NRXN1: variants seen among roughly 807,000 people sequenced by gnomAD.
NRXN1 encodes the protein neurexin 1, also known as neurexin-1.
Under a neutral mutation model 150.9 loss-of-function variants are expected in NRXN1, and 39 were observed. The observed-to-expected ratio is 0.26, with a 90% CI of 0.20 to 0.34. The LOEUF is 0.34. Among genes scored for constraint, NRXN1 ranks in the 10% least tolerant of loss-of-function variants. NRXN1 has a pLI of 1.00. For missense variants in NRXN1, 1,815 were observed against 1,949.9 expected (o/e 0.93, Z 1.30); for synonymous variants, 924 against 757.0 (o/e 1.22, Z -3.62).
chr2:50,024,252 G>A (rs991091174), intron 21 of NRXN1: 1 of 152,158 alleles, frequency 6.6e-6, no homozygotes, highest in African/African-American at 2.4e-5. Flanking sequence ...TAGGAACTGA[G>A]ACTGAACTTT....
chr2:50,481,541 A>C (rs2090456181), intron 15 of NRXN1, among the ~76,000 whole-genome samples: 1 of 152,278 alleles, frequency 6.6e-6, no homozygotes, highest in Non-Finnish European at 1.5e-5. Flanking sequence ...GTTACTTTTC[A>C]ATTGTCTCCC....
intron 2 of NRXN1, among the ~76,000 whole-genome samples, chr2:50,952,701 T>C (rs1347389272): frequency 3.9e-5 from 6 of 152,164 alleles, no homozygotes; most frequent in African/African-American, 1.4e-4. Context: ...GTGGGATAAA[T>C]AGATCAGCAA....
chr2:50,269,591 C>T lies in NRXN1; in HGVS notation c.3365-32621G>A, dbSNP rs954115643. Among the ~76,000 whole-genome samples, 10 of 152,098 alleles carry T rather than the reference C, an allele frequency of 6.6e-5. No homozygotes were observed. In the East Asian group the frequency reaches 9.6e-4, roughly 15 times the overall value. ...ATATTGTCATGAATATATAAACAAA[C>T]ATTAATTTTATAGCTAGAAGTTAAG... On this transcript the variant is annotated intron_variant, in intron 17 of 22. Transcript: ENST00000401669.
At chr2:50,913,808 T>C (rs1198679276) in intron 5 of NRXN1, among the ~76,000 whole-genome samples, 2 of 151,648 alleles carry the variant, frequency 1.3e-5, no homozygotes, top group African/African-American at 2.4e-5. Context: ...TTTATATAAG[T>C]AGGTATAATA....
At chr2:50,130,137 C>A (rs1401620619) in intron 18 of NRXN1, among the ~76,000 whole-genome samples, 1 of 152,110 alleles carries the variant, frequency 6.6e-6, no homozygotes, top group Non-Finnish European at 1.5e-5. Context: ...TCGCTTCTTT[C>A]CACTGATGTC....
intron 22 of NRXN1, among the ~76,000 whole-genome samples, chr2:49,935,530 C>G (rs1670883027): frequency 6.6e-6 from 1 of 152,110 alleles, no homozygotes; most frequent in African/African-American, 2.4e-5. Flanking sequence ...TAAGGAGTAA[C>G]TCATGATGAG....
chr2:50,288,693 G>A (rs928451751), intron 17 of NRXN1, among the ~76,000 whole-genome samples: 5 of 152,046 alleles, frequency 3.3e-5, no homozygotes, highest in African/African-American at 1.2e-4. Flanking sequence ...TATCTCATGA[G>A]ACTTATTCAC....
intron 14 of NRXN1, 61 bp from the exon 15 acceptor site, chr2:50,496,156 G>C: frequency 7.6e-7 from 1 of 1,322,148 alleles, no homozygotes. Flanking sequence ...TGAACCTAAA[G>C]TAGATATTAC....
At position 50,898,255 on chromosome 2, in the gene NRXN1, C is replaced by T. The variant is rs575302577; in HGVS notation, c.832+23614G>A. On this transcript the variant is annotated intron_variant, in intron 5 of 22. Coordinates refer to ENST00000401669, the MANE Select transcript of NRXN1 (RefSeq NM_001330078.2). ...AAAAATTTTCTTTTTTTATACAGTT[C>T]ATTCCCTCTTAGGACTGTCCCTTGC... 3.3e-5 allele frequency among the ~76,000 whole-genome samples: 5 copies of T among 152,218 alleles called. No homozygotes were observed. The South Asian group carries it at 1.0e-3, about 32-fold the overall frequency.
chr2:50,792,278 A>G (rs143620789), intron 5 of NRXN1, among the ~76,000 whole-genome samples: 305 of 152,254 alleles, frequency 2.0e-3, no homozygotes, highest in African/African-American at 7.1e-3. Flanking sequence ...TTAATTGAAT[A>G]ATGGAAAGAA....
chr2:50,829,074 C>G (rs1022499989), intron 5 of NRXN1, among the ~76,000 whole-genome samples: 1 of 152,126 alleles, frequency 6.6e-6, no homozygotes, highest in Admixed American at 6.5e-5. Flanking sequence ...CAAAAAAATA[C>G]GAAAACCAGT....
rs144596871 is a variant in NRXN1 at position 50,271,115 on chromosome 2, A to G, written c.3365-34145T>C. Among the ~76,000 whole-genome samples, 76 of 152,306 alleles carry G rather than the reference A, an allele frequency of 5.0e-4. 1 individual carries two copies. The highest frequency in any genetic ancestry group is 1.8e-3 in the African/African-American group (74 of 41,562). The stretch of plus-strand genomic sequence containing the variant: ...AAGTGTTACTCATAAGTAATATAGT[A>G]AAGTAGTGTGAACACTACTGGACAA... On this transcript the variant is annotated intron_variant, in intron 17 of 22. Coordinates refer to ENST00000401669, the MANE Select transcript of NRXN1 (RefSeq NM_001330078.2).
chr2:50,500,932 T>C (rs997102623), intron 13 of NRXN1, among the ~76,000 whole-genome samples: 1 of 152,058 alleles, frequency 6.6e-6, no homozygotes, highest in East Asian at 1.9e-4. Flanking sequence ...GGAGAAATAG[T>C]GTTGAGAGGG....
At chr2:50,031,108 T>G (rs926861723) in intron 21 of NRXN1, among the ~76,000 whole-genome samples, 1 of 152,042 alleles carries the variant, frequency 6.6e-6, no homozygotes, top group African/African-American at 2.4e-5. Context: ...AAAGCACACC[T>G]TTTGCACTAA....
At chr2:50,055,076 A>T in intron 19 of NRXN1, 32 bp from the exon 20 acceptor site, 2 of 1,439,270 alleles carry the variant, frequency 1.4e-6, no homozygotes, top group Non-Finnish European at 1.9e-6. Context: ...TTCATTGGTT[A>T]AAATCTGTAA....
chr2:50,340,441 G>A (rs970956504), intron 17 of NRXN1, among the ~76,000 whole-genome samples: 1 of 152,096 alleles, frequency 6.6e-6, no homozygotes, highest in Non-Finnish European at 1.5e-5. Flanking sequence ...CCTCAGTTGC[G>A]AGACAAGTAC....
chr2:50,070,860 G>A (rs1473377952), intron 19 of NRXN1, among the ~76,000 whole-genome samples: 6 of 151,264 alleles, frequency 4.0e-5, no homozygotes, highest in East Asian at 1.9e-4. Context: ...CCTAAATAAT[G>A]CAGTAGGTAC....
chr2:50,281,615 T>G (rs1451888616), intron 17 of NRXN1, among the ~76,000 whole-genome samples: 3 of 152,130 alleles, frequency 2.0e-5, no homozygotes, highest in Non-Finnish European at 4.4e-5. Context: ...TCCTGGTCCC[T>G]GCACTAAGGA....
At chr2:50,687,041 TC>T (rs946574071) in intron 5 of NRXN1, among the ~76,000 whole-genome samples, 2 of 152,158 alleles carry the variant, frequency 1.3e-5, no homozygotes, top group African/African-American at 4.8e-5. Context: ...GTGCTTAGCG[TC>T]AAATTGAAAG....
Sources: gnomAD v4.1 joint callset for allele counts (sites outside exome capture counted in the v4.1 genomes callset) on GRCh38, gnomAD v4.1.1 for gene constraint, MANE v1.5 for transcripts, NCBI Gene and HGNC (gene_info 2026-07-23, HGNC 2026-07-21) for gene names.